Variants in TMBIM1 observed in about 807,000 individuals in gnomAD.
The protein encoded by TMBIM1 is protein lifeguard 3.
A neutral mutation model predicts 45.1 loss-of-function variants in TMBIM1; 34 were observed. The ratio of observed to expected loss-of-function variants is 0.75; its 90% CI spans 0.57 to 1.00. The LOEUF is 1.00. TMBIM1 is among the 50% of genes least tolerant of loss of function. The pLI, the probability that TMBIM1 is intolerant of heterozygous loss-of-function variation, is 0.00. For synonymous variants in TMBIM1, 157 were observed against 153.5 expected (o/e 1.02, Z -0.17); for missense variants, 374 against 402.4 (o/e 0.93, Z 0.60).
chr2:218,277,742 T>G (rs1160413769), intron 7 of TMBIM1, 72 bp from the exon 8 acceptor site: 5 of 1,592,208 alleles, frequency 3.1e-6, no homozygotes, highest in Admixed American at 3.3e-5. Flanking sequence ...GGAGTGGCCA[T>G]GGTGGCCTCT....
chr2:218,288,416 G>C (rs1336440622), intron 1 of TMBIM1, among the ~76,000 whole-genome samples: 3 of 152,178 alleles, frequency 2.0e-5, no homozygotes, highest in African/African-American at 7.2e-5. Context: ...GCAACAGAGG[G>C]AGACTCTGTC....
Position 218,281,979 on chromosome 2 carries a change from G to C in TMBIM1, c.163C>G (p.Gln55Glu), listed in dbSNP as rs372395270. The change falls in exon 2 of 12, where the codon CAG (glutamine) becomes GAG (glutamate). Residue 55 changes from glutamine to glutamate, a missense_variant. Transcript: ENST00000258412. Reference sequence around the variant, plus strand: ...ATCGGGTGGGTGGGGGGCATGGGCTGTGGGTAGCCAGCAGGGTGACCGTAG... The same window carrying C: ...ATCGGGTGGGTGGGGGGCATGGGCTCTGGGTAGCCAGCAGGGTGACCGTAG... ...PGYGHPAGYP[Q>E]PMPPTHPMPM... The C allele has an allele frequency of 2.1e-5, 33 of 1,605,884 alleles. No individual in the cohort carries two copies. The African/African-American group carries it at 4.3e-4, about 21-fold the overall frequency.
Position 218,276,025 on chromosome 2 carries a change from C to T in TMBIM1, c.789+1G>A. On this transcript the variant is annotated splice_donor_variant, in intron 11 of 11. Coordinates refer to ENST00000258412, the MANE Select transcript of TMBIM1 (RefSeq NM_022152.6). LOFTEE classifies it high-confidence loss of function. ...CTTCCTAGAGTGGGGCTGGGACTTA[C>T]CAGGGTGAAACAAATGGCCCCCAGA... 6.2e-7 allele frequency: 1 copy of T among 1,611,690 alleles called. No individual in the cohort carries two copies. The highest frequency in any genetic ancestry group is 8.5e-7 in the Non-Finnish European group (1 of 1,179,046).
At chr2:218,279,519 T>C in intron 3 of TMBIM1, 166 bp from the exon 4 acceptor site, 1 of 566,812 alleles carries the variant, frequency 1.8e-6, no homozygotes, top group Non-Finnish European at 3.1e-6. Context: ...TGTGCACTTC[T>C]TCCTCAGCCC....
At chr2:218,280,666 T>G (rs2106206356) in intron 2 of TMBIM1, 2 of 156,480 alleles carry the variant, frequency 1.3e-5, no homozygotes, top group Middle Eastern at 3.4e-3. Context: ...CTGACACCCC[T>G]CTGGGGTTCA....
At position 218,280,095 on chromosome 2, in the gene TMBIM1, T is replaced by G. The variant is rs761244373; in HGVS notation, c.234A>C (p.Arg78Ser). 6.2e-7 allele frequency: 1 copy of G among 1,614,018 alleles called. No homozygotes were observed. The highest frequency in any genetic ancestry group is 8.5e-7 in the Non-Finnish European group (1 of 1,179,924). Residue 78 changes from arginine to serine, a missense_variant, in exon 3 of 12, where the codon AGA becomes AGC. Physicochemically the swap from Arg to Ser is moderately radical, Grantham distance 110 (BLOSUM62 -1). Coordinates refer to ENST00000258412, the MANE Select transcript of TMBIM1 (RefSeq NM_022152.6). ...CAGGCCCGAAGCTATCACTCACTGC[T>G]CTCTCCTCCCCATCATAGCCATGGC... ...GPGHGYDGEE[R>S]AVSDSFGPGE...
chr2:218,278,264 G>T, intron 6 of TMBIM1: 1 of 605,296 alleles, frequency 1.7e-6, no homozygotes. Flanking sequence ...TGAGCCTCGG[G>T]TTCTTCCTAT....
intron 2 of TMBIM1, 158 bp from the exon 3 acceptor site, chr2:218,280,284 CAG>C (rs1691757345): frequency 8.3e-6 from 5 of 603,414 alleles, no homozygotes; most frequent in Non-Finnish European, 5.9e-6. Context: ...TAGACACCCT[CAG>C]AGTGACCCAG....
intron 1 of TMBIM1, chr2:218,286,137 TA>T (rs1345402037): frequency 6.5e-6 from 1 of 153,176 alleles, no homozygotes; most frequent in Non-Finnish European, 1.5e-5. Flanking sequence ...GCAGGGACTT[TA>T]AGGTCCCCAC....
In TMBIM1 at chr2:218,277,001, C is replaced by CA. The variant is rs1691282592; in HGVS notation, c.735+2dup. The CA allele has an allele frequency of 6.2e-7, 1 of 1,613,476 alleles. No homozygotes were observed. Among genetic ancestry groups the CA allele is most frequent in the Non-Finnish European group, 8.5e-7 (1 of 1,179,430 alleles). ...CTGACCCCAGCTCTCCTGGGACACT[C>CA]ACGTATTGGAAGTAGAGCACAATGC... is the stretch of plus-strand genomic sequence containing the variant. On this transcript the variant is annotated splice_region_variant and intron_variant, in intron 10 of 11. Transcript: ENST00000258412.
chr2:218,282,100 G>T lies in TMBIM1; in HGVS notation c.42C>A (p.Asn14Lys). ...PSAPPPYEDR[N>K]PLYPGPPPPG... ...GGGGCGGAGGGCCTGGGTACAGGGG[G>T]TTGCGGTCTTCATATGGTGGTGGGG... Residue 14 changes from asparagine (N) to lysine (K), a missense_variant, in exon 2 of 12, where the codon AAC becomes AAA. By Grantham distance (94) the Asn-to-Lys change is moderately conservative. Transcript: ENST00000258412. 1 of 1,560,082 alleles carries T rather than the reference G, an allele frequency of 6.4e-7. No homozygotes were observed. Among genetic ancestry groups the T allele is most frequent in the Non-Finnish European group, 8.7e-7 (1 of 1,154,240 alleles).
At chr2:218,278,886 G>A (rs1029200797) in intron 5 of TMBIM1, 152 bp downstream of exon 5, 31 of 854,854 alleles carry the variant, frequency 3.6e-5, no homozygotes, top group African/African-American at 3.6e-4. Context: ...ATCTGGGCAC[G>A]CACACCCACA....
Position 218,280,101 on chromosome 2 carries a change from C to G in TMBIM1, c.228G>C (p.Glu76Asp). The G allele has an allele frequency of 6.2e-7, 1 of 1,614,104 alleles. No homozygotes were observed. The highest frequency in any genetic ancestry group is 8.5e-7 in the Non-Finnish European group (1 of 1,179,922). Residue 76 changes from glutamate (E) to aspartate (D), a missense_variant, in exon 3 of 12, where the codon GAG (glutamate) becomes GAC (aspartate). Transcript: ENST00000258412. Reference sequence around the variant, plus strand: ...CGAAGCTATCACTCACTGCTCTCTCCTCCCCATCATAGCCATGGCCTGGGC... The same window carrying G: ...CGAAGCTATCACTCACTGCTCTCTCGTCCCCATCATAGCCATGGCCTGGGC... ...NYGPGHGYDG[E>D]ERAVSDSFGP...
rs1046635231 is a variant in TMBIM1, at chr2:218,279,950, T to A, written c.303+76A>T. On this transcript the variant is annotated intron_variant, in intron 3 of 11. Transcript: ENST00000258412. ...TTTCATGGAATTGATGCCCTGGGGC[T>A]ACTGTGGCCTACCCACTTCCCATTC... is the stretch of plus-strand genomic sequence containing the variant. The A allele has an allele frequency of 8.7e-6, 9 of 1,037,618 alleles. No individual in the cohort carries two copies. The African/African-American group carries it at 1.4e-4, about 16-fold the overall frequency. 64.3% of individuals were successfully genotyped at this position (1,037,618 alleles called of 1,614,324 possible). A position where few individuals can be genotyped will look rare whatever the true frequency, so the allele number is the denominator to read the frequency against.
intron 3 of TMBIM1, 50 bp from the exon 4 acceptor site, chr2:218,279,403 C>T: frequency 6.7e-7 from 1 of 1,489,420 alleles, no homozygotes; most frequent in Non-Finnish European, 9.0e-7. Flanking sequence ...CCCTGGCCTG[C>T]CCCAGGAAGC....
In TMBIM1 at chr2:218,286,377, C is replaced by T. The variant is rs184145569; in HGVS notation, c.-40-4196G>A. ...GGAACTCCAGCAACATGGAGCAAGCCCCTTGTCTGCAGACAGCTCGATTAG... is the reference window on the plus strand; with the variant it reads ...GGAACTCCAGCAACATGGAGCAAGCTCCTTGTCTGCAGACAGCTCGATTAG... On this transcript the variant is annotated intron_variant, in intron 1 of 11. Transcript: ENST00000258412. The T allele has an allele frequency of 2.0e-5, 3 of 152,064 alleles. No individual in the cohort carries two copies. In the East Asian group the frequency reaches 5.8e-4, roughly 30 times the overall value. The allele number at this position is 152,064 out of a possible 1,614,324, so 9.4% of individuals were successfully genotyped here.
chr2:218,291,947 T>G (rs1451560574), intron 1 of TMBIM1, among the ~76,000 whole-genome samples: 4 of 133,016 alleles, frequency 3.0e-5, no homozygotes, highest in South Asian at 2.6e-4. Context: ...GGACCCCCCC[T>G]TCCCCACCCC....
chr2:218,287,544 C>T (rs1692620210), intron 1 of TMBIM1, among the ~76,000 whole-genome samples: 1 of 152,078 alleles, frequency 6.6e-6, no homozygotes, highest in East Asian at 1.9e-4. Flanking sequence ...CCCATGTCTA[C>T]TAAAAAATAC....
At position 218,282,105 on chromosome 2, in the gene TMBIM1, G is replaced by A. The variant is rs750488601; in HGVS notation, c.37C>T (p.Arg13Cys). ...NPSAPPPYED[R>C]NPLYPGPPPP... ...GGAGGGCCTGGGTACAGGGGGTTGC[G>A]GTCTTCATATGGTGGTGGGGCGCTG... Residue 13 changes from arginine (R) to cysteine (C), a missense_variant, in exon 2 of 12, where the codon CGC becomes TGC. By Grantham distance (180) the Arg-to-Cys change is radical. Transcript: ENST00000258412. 15 of 1,555,020 alleles carry A rather than the reference G, an allele frequency of 9.6e-6. No individual in the cohort carries two copies. The highest frequency in any genetic ancestry group is 3.6e-5 in the South Asian group (3 of 83,460).
Sources: allele counts gnomAD v4.1 joint callset (sites outside exome capture counted in the v4.1 genomes callset), GRCh38; gene constraint gnomAD v4.1.1; transcripts MANE v1.5; gene names NCBI Gene and HGNC (gene_info 2026-07-23, HGNC 2026-07-21).